Variants in UNC13C observed in about 807,000 individuals in gnomAD.
UNC13C encodes protein unc-13 homolog C.
Under a neutral mutation model 245.4 loss-of-function variants are expected in UNC13C, and 174 were observed. That is an observed-to-expected ratio of 0.71 (90% CI 0.63 to 0.80). The LOEUF is 0.80. Ranked by LOEUF, UNC13C falls within the 30% of genes least tolerant of loss-of-function variation. UNC13C has a pLI of 0.00. For missense variants in UNC13C, 2,829 were observed against 2,602.9 expected (o/e 1.09, Z -1.89); for synonymous variants, 992 against 895.1 (o/e 1.11, Z -1.93).
intron 1 of UNC13C, among the ~76,000 whole-genome samples, chr15:54,005,045 A>G (rs1462702615): frequency 6.6e-6 from 1 of 151,944 alleles, no homozygotes; most frequent in Non-Finnish European, 1.5e-5. Flanking sequence ...TGCTCTGGTC[A>G]CCTGTGTTTC....
intron 22 of UNC13C, among the ~76,000 whole-genome samples, chr15:54,502,535 G>A (rs10163077): frequency 7.9e-5 from 12 of 152,170 alleles, no homozygotes; most frequent in African/African-American, 2.4e-4. Flanking sequence ...CCAATATAGC[G>A]AAATCTGTAG....
intron 2 of UNC13C, chr15:54,050,279 G>C (rs1897221247): frequency 1.7e-6 from 1 of 577,810 alleles, no homozygotes; most frequent in Non-Finnish European, 3.3e-6. Flanking sequence ...CCACTGAAGA[G>C]GTTTAATGAT....
intron 1 of UNC13C, among the ~76,000 whole-genome samples, chr15:53,981,830 G>C (rs1291486851): frequency 6.6e-6 from 1 of 152,124 alleles, no homozygotes; most frequent in Non-Finnish European, 1.5e-5. Flanking sequence ...TAGACAATAA[G>C]ACACACTGAA....
downstream of UNC13C, chr15:54,629,447 A>G (rs1901395525): frequency 6.6e-6 from 1 of 152,212 alleles, no homozygotes; most frequent in Non-Finnish European, 1.5e-5. Context: ...GTTTTTAAAA[A>G]AAAGTTCAGA....
intron 19 of UNC13C, among the ~76,000 whole-genome samples, chr15:54,443,835 T>C (rs1483171883): frequency 6.6e-6 from 1 of 151,898 alleles, no homozygotes; most frequent in Non-Finnish European, 1.5e-5. Flanking sequence ...ATACTCTATC[T>C]TGGATAAAAT....
At chr15:54,525,914 C>G (rs972807311) in intron 25 of UNC13C, among the ~76,000 whole-genome samples, 1 of 152,168 alleles carries the variant, frequency 6.6e-6, no homozygotes, top group African/African-American at 2.4e-5. Flanking sequence ...ACACTCAGGA[C>G]AGAAACCATA....
chr15:54,023,331 T>C (rs778505380), intron 2 of UNC13C, among the ~76,000 whole-genome samples: 1 of 152,222 alleles, frequency 6.6e-6, no homozygotes, highest in Non-Finnish European at 1.5e-5. Context: ...AGTCTTGTCA[T>C]GAAAGATTAT....
At chr15:54,103,651 C>T (rs1169570649) in intron 2 of UNC13C, among the ~76,000 whole-genome samples, 4 of 152,088 alleles carry the variant, frequency 2.6e-5, no homozygotes, top group African/African-American at 9.7e-5. Context: ...TTCTGTGACC[C>T]TGTCATTATT....
At chr15:53,978,971 G>T (rs1203906371) in intron 1 of UNC13C, among the ~76,000 whole-genome samples, 44 bp downstream of exon 1, 1 of 152,020 alleles carries the variant, frequency 6.6e-6, no homozygotes, top group Non-Finnish European at 1.5e-5. Flanking sequence ...ATCTGCATGC[G>T]ATTTTCTGTC....
At chr15:54,632,002 A>G (rs1901465605), downstream of UNC13C, 2 of 152,166 alleles carry the variant, frequency 1.3e-5, no homozygotes, top group Admixed American at 6.6e-5. Context: ...AGCACTGGGT[A>G]TCGTCAGTTC....
intron 2 of UNC13C, chr15:54,050,851 T>A: frequency 8.7e-6 from 5 of 571,682 alleles, no homozygotes; most frequent in South Asian, 6.9e-5. Flanking sequence ...GCTTTGGTTC[T>A]CTTAAAAGAG....
intron 30 of UNC13C, among the ~76,000 whole-genome samples, chr15:54,591,337 T>A (rs1898777863): frequency 6.6e-6 from 1 of 152,192 alleles, no homozygotes; most frequent in African/African-American, 2.4e-5. Flanking sequence ...TCTTTCTCTG[T>A]CTTGTGGAAT....
At position 54,077,376 on chromosome 15, in the gene UNC13C, C is replaced by CTTTTTTTTTTTTTTTTTTTTTTTTT. The variant is rs768240170; in HGVS notation, c.2983+61510_2983+61511insTTTTTTTTTTTTTTTTTTTTTTTTT. Among the ~76,000 whole-genome samples the CTTTTTTTTTTTTTTTTTTTTTTTTT allele has an allele frequency of 1.9e-4, 12 of 62,698 alleles. 1 individual carries two copies. Among genetic ancestry groups the CTTTTTTTTTTTTTTTTTTTTTTTTT allele is most frequent in the African/African-American group, 6.7e-4 (11 of 16,516 alleles). The allele number at this position is 62,698 out of a possible 152,430, so 41.1% of individuals were successfully genotyped here. On this transcript the variant is annotated intron_variant, in intron 2 of 32. Coordinates refer to ENST00000260323, the MANE Select transcript of UNC13C (RefSeq NM_001080534.3). ...TTTTCCTTTTCTTTTCTTTTCTTTTCTTTTTTTTTTTTTTTTTTTTGAGAC... is the reference window on the plus strand; with the variant it reads ...TTTTCCTTTTCTTTTCTTTTCTTTTCTTTTTTTTTTTTTTTTTTTTTTTTTTTTTTTTTTTTTTTTTTTTTGAGAC...
intron 2 of UNC13C, among the ~76,000 whole-genome samples, chr15:54,115,927 G>A (rs2030210441): frequency 6.6e-6 from 1 of 152,048 alleles, no homozygotes; most frequent in Admixed American, 6.6e-5. Flanking sequence ...GAAGGAGACA[G>A]TAACAGTATC....
intron 1 of UNC13C, among the ~76,000 whole-genome samples, chr15:54,010,591 G>T (rs1204437880): frequency 2.6e-5 from 4 of 152,138 alleles, no homozygotes; most frequent in Non-Finnish European, 5.9e-5. Context: ...CCATTGCTGA[G>T]GCAGATGTGC....
At chr15:54,229,159 G>A (rs1412533511) in intron 4 of UNC13C, among the ~76,000 whole-genome samples, 2 of 152,136 alleles carry the variant, frequency 1.3e-5, no homozygotes, top group Admixed American at 6.6e-5. Context: ...GCAAAGTCCT[G>A]CAATTACTGC....
At chr15:53,970,788 C>A in the UNC13C span, among the ~76,000 whole-genome samples, 6 of 152,176 alleles carry the variant, frequency 3.9e-5, no homozygotes, top group East Asian at 1.2e-3. Context: ...ACATGTTGAC[C>A]TATATAATAA....
intron 2 of UNC13C, among the ~76,000 whole-genome samples, chr15:54,060,431 C>A (rs575820337): frequency 2.6e-5 from 4 of 152,274 alleles, no homozygotes; most frequent in African/African-American, 9.6e-5. Context: ...CCATCTCACA[C>A]CAGTTAGAAT....
chr15:53,948,157 C>G, the UNC13C span: 1 of 152,112 alleles, frequency 6.6e-6, no homozygotes, highest in Non-Finnish European at 1.5e-5. Context: ...CATGTAAGAA[C>G]TAGCTAGATT....
Sources: allele counts gnomAD v4.1 joint callset (sites outside exome capture counted in the v4.1 genomes callset), GRCh38; gene constraint gnomAD v4.1.1; transcripts MANE v1.5; gene names NCBI Gene and HGNC (gene_info 2026-07-23, HGNC 2026-07-21).